The following TNXB variants were observed in gnomAD, a reference collection of about 807,000 sequenced individuals.
TNXB encodes the protein tenascin-X.
Under a neutral mutation model 340.5 loss-of-function variants are expected in TNXB, and 183 were observed. That is an observed-to-expected ratio of 0.54 (90% CI 0.48 to 0.61). TNXB has a LOEUF of 0.61. TNXB is among the 20% of genes least tolerant of loss of function. The pLI is 0.00. For synonymous variants in TNXB, 2,121 were observed against 2,314.5 expected (o/e 0.92, Z 2.40); for missense variants, 4,613 against 5,446.4 (o/e 0.85, Z 4.82).
In TNXB at chr6:32,081,652, G is replaced by T. The variant is rs188789382; in HGVS notation, c.3758C>A (p.Pro1253His). Residue 1253 changes from proline to histidine, a missense_variant, in exon 10 of 44, where the codon CCC becomes CAC. By Grantham distance (77) the Pro-to-His change is moderately conservative. Coordinates refer to ENST00000644971, the MANE Select transcript of TNXB (RefSeq NM_001365276.2). This position sits in a 1 kb window ranked among gnomAD's most constrained non-coding sequence, Gnocchi z 5.1. Reference protein sequence around the residue: ...GTTAPERKEEPPRPEFLEQPL... With the variant: ...GTTAPERKEEHPRPEFLEQPL... Reference sequence around the variant, plus strand: ...CTGCTCCAGGAACTCAGGGCGGGGGGGCTCCTCTTTCCTCTCTGGAGCTGT... The same window carrying T: ...CTGCTCCAGGAACTCAGGGCGGGGGTGCTCCTCTTTCCTCTCTGGAGCTGT... 303 of 1,589,254 alleles carry T rather than the reference G, an allele frequency of 1.9e-4. 2 individuals are homozygous for T. The African/African-American group carries it at 3.1e-3, about 16-fold the overall frequency.
Position 32,048,593 on chromosome 6 carries a change from G to A in TNXB, c.9815C>T (p.Ala3272Val). 6.6e-7 allele frequency: 1 copy of A among 1,518,918 alleles called. No homozygotes were observed. The highest frequency in any genetic ancestry group is 8.9e-7 in the Non-Finnish European group (1 of 1,127,402). The allele number at this position is 1,518,918 out of a possible 1,614,324, so 94.1% of individuals were successfully genotyped here. ...GAGGCCCACTGAGTCCGAGGTCACG[G>A]CCGCCACCGCCAGCTCCCCCAGGCG... ...EPRLGELAVA[A>V]VTSDSVGLSW... The change falls in exon 29 of 44, where the codon GCC (alanine) becomes GTC (valine). Residue 3272 changes from alanine to valine, a missense_variant. Transcript: ENST00000644971.
At position 32,064,975 on chromosome 6, in the gene TNXB, C is replaced by G; in HGVS notation, c.6687G>C (p.Lys2229Asn). The G allele has an allele frequency of 1.2e-6, 2 of 1,612,800 alleles. No individual in the cohort carries two copies. Among genetic ancestry groups the G allele is most frequent in the Non-Finnish European group, 1.7e-6 (2 of 1,179,826 alleles). The change falls in exon 19 of 44, where the codon AAG becomes AAC. Residue 2229 changes from lysine (K) to asparagine (N), a missense_variant. Around this residue, in one of 7 missense-constraint regions of TNXB, gnomAD observed 4,327 missense variants for 4,859.4 expected, o/e 0.89. Transcript: ENST00000644971. This position sits in a 1 kb window ranked among gnomAD's most constrained non-coding sequence, Gnocchi z 5.3. Reference protein sequence around the residue: ...GQFDHFLVQFKNGDGQPKAVR... With the variant: ...GQFDHFLVQFNNGDGQPKAVR... ...CCGCCTTGGGCTGCCCGTCCCCATT[C>G]TTAAACTGGACCAAGAAATGGTCAA...
Position 32,081,767 on chromosome 6 carries a change from G to A in TNXB, c.3737-94C>T, listed in dbSNP as rs1779465255. 5 of 766,914 alleles carry A rather than the reference G, an allele frequency of 6.5e-6. No individual in the cohort carries two copies. In the East Asian group the frequency reaches 1.1e-4, roughly 17 times the overall value. The allele number at this position is 766,914 out of a possible 1,614,324, so 47.5% of individuals were successfully genotyped here. On this transcript the variant is annotated intron_variant, in intron 9 of 43. Transcript: ENST00000644971. The surrounding 1 kb of genome is among the most constrained non-coding windows in gnomAD (Gnocchi z 5.1). ...GATGTCACACCTATGGGGGGTGGGG[G>A]GTCACTAGTCCATTAATTCGAGTGC...
rs751000603 is a variant in TNXB at position 32,058,386 on chromosome 6, T to C, written c.7497A>G (p.Pro2499=). 1.2e-6 allele frequency: 2 copies of C among 1,600,812 alleles called. No homozygotes were observed. Among genetic ancestry groups the C allele is most frequent in the Non-Finnish European group, 1.7e-6 (2 of 1,173,984 alleles). The part of the protein sequence containing the change: ...GPVSTVGVTA[P]QEDVDETPSP... Reference sequence around the variant, plus strand: ...TGGGGGTCTCGTCCACATCCTCTTGTGGGGCTGAAAGGTAATATAGGGGGA... The same window carrying C: ...TGGGGGTCTCGTCCACATCCTCTTGCGGGGCTGAAAGGTAATATAGGGGGA... The change falls in exon 22 of 44, where the codon CCA becomes CCG. Residue 2499 remains proline (P), a synonymous_variant. Transcript: ENST00000644971. This position sits in a 1 kb window ranked among gnomAD's most constrained non-coding sequence, Gnocchi z 5.1.
In TNXB at chr6:32,047,807, C is replaced by T. The variant is rs996193274; in HGVS notation, c.10251G>A (p.Arg3417=). ...EVTVQGLEPS[R]KYRFLLYGLS... ...GACCATAGAGCAGGAACCTGTATTT[C>T]CTACTGGGCTCCAGGCCCTGGACTG... Residue 3417 remains arginine, a synonymous_variant, in exon 30 of 44, where the codon AGG becomes AGA. Transcript: ENST00000644971. The surrounding 1 kb of genome is among the most constrained non-coding windows in gnomAD (Gnocchi z 6.2). 1.9e-6 allele frequency: 3 copies of T among 1,610,694 alleles called. No homozygotes were observed. Among genetic ancestry groups the T allele is most frequent in the Non-Finnish European group, 1.7e-6 (2 of 1,179,086 alleles).
Position 32,049,949 on chromosome 6 carries a change from A to C in TNXB, c.9439+49T>G. On this transcript the variant is annotated intron_variant, in intron 27 of 43. Transcript: ENST00000644971. The surrounding 1 kb of genome is among the most constrained non-coding windows in gnomAD (Gnocchi z 4.5). ...CCACCAGTCATCACCAAAGAGCAAG[A>C]GGTGGCCCTCCCACAGCTCCCACCC... The C allele has an allele frequency of 6.2e-7, 1 of 1,609,764 alleles. No homozygotes were observed. Among genetic ancestry groups the C allele is most frequent in the South Asian group, 1.1e-5 (1 of 90,968 alleles).
Position 32,096,510 on chromosome 6 carries a change from C to T in TNXB, c.1343G>A (p.Gly448Asp), listed in dbSNP as rs1291009967. ...GTAGCCCGCATTGCAAACACACACG[C>T]CGTTCTCGCAGCGCCCGCGACCTCT... ...DCRGRGRCEN[G>D]VCVCNAGYSG... The change falls in exon 3 of 44, where the codon GGC becomes GAC. Residue 448 changes from glycine (G) to aspartate (D), a missense_variant. Transcript: ENST00000644971. 1 of 1,600,604 alleles carries T rather than the reference C, an allele frequency of 6.2e-7. No individual in the cohort carries two copies.
At position 32,056,187 on chromosome 6, in the gene TNXB, G is replaced by A. The variant is rs775866764; in HGVS notation, c.8144-13C>T. 2 of 1,604,784 alleles carry A rather than the reference G, an allele frequency of 1.2e-6. No individual in the cohort carries two copies. The highest frequency in any genetic ancestry group is 8.5e-7 in the Non-Finnish European group (1 of 1,174,268). The stretch of plus-strand genomic sequence containing the variant: ...TCTTCCTCTGCAGCTGAGAAAAGGA[G>A]ATATAGAGAGGATGCCAGGTGCCTG... On this transcript the variant is annotated splice_polypyrimidine_tract_variant and intron_variant, in intron 23 of 43. Coordinates refer to ENST00000644971, the MANE Select transcript of TNXB (RefSeq NM_001365276.2).
At chr6:32,102,226 A>G (rs745666606) in intron 1 of TNXB, among the ~76,000 whole-genome samples, 12 of 152,204 alleles carry the variant, frequency 7.9e-5, no homozygotes, top group Non-Finnish European at 1.6e-4. Context: ...CAAACACTGG[A>G]AAGTTGTTTG....
At chr6:32,101,257 GAGT>G (rs1780706176) in intron 1 of TNXB, among the ~76,000 whole-genome samples, 1 of 152,004 alleles carries the variant, frequency 6.6e-6, no homozygotes, top group African/African-American at 2.4e-5. Context: ...TCAGCCTCTG[GAGT>G]AGCTAGGATA....
chr6:32,062,411 C>T lies in TNXB; in HGVS notation c.6914G>A (p.Arg2305His), dbSNP rs763647914. The T allele has an allele frequency of 2.5e-5, 40 of 1,613,056 alleles. No individual in the cohort carries two copies. The highest frequency in any genetic ancestry group is 3.3e-5 in the Non-Finnish European group (39 of 1,179,838). The change falls in exon 20 of 44, where the codon CGC (arginine) becomes CAC (histidine). Residue 2305 changes from arginine (R) to histidine (H), a missense_variant. Arg to His is a conservative substitution (Grantham distance 29, BLOSUM62 0). Around this residue, in one of 7 missense-constraint regions of TNXB, gnomAD observed 4,327 missense variants for 4,859.4 expected, o/e 0.89. Coordinates refer to ENST00000644971, the MANE Select transcript of TNXB (RefSeq NM_001365276.2). This position sits in a 1 kb window ranked among gnomAD's most constrained non-coding sequence, Gnocchi z 4.3. Reference sequence around the variant, plus strand: ...ATCTGTCACGGTCAGCTCCTCCAGGCGAGGCTTGATGGGGGGTTCAGGGGT... The same window carrying T: ...ATCTGTCACGGTCAGCTCCTCCAGGTGAGGCTTGATGGGGGGTTCAGGGGT... ...PPTPEPPIKP[R>H]LEELTVTDAT...
In TNXB at chr6:32,068,304, T is replaced by C. The variant is rs1778519171; in HGVS notation, c.6220+86A>G. The C allele has an allele frequency of 1.3e-6, 2 of 1,528,968 alleles. No individual in the cohort carries two copies. The highest frequency in any genetic ancestry group is 1.8e-6 in the Non-Finnish European group (2 of 1,131,846). The allele number at this position is 1,528,968 out of a possible 1,614,324, so 94.7% of individuals were successfully genotyped here. On this transcript the variant is annotated intron_variant, in intron 17 of 43. Transcript: ENST00000644971. The surrounding 1 kb of genome is among the most constrained non-coding windows in gnomAD (Gnocchi z 5.3). Reference sequence around the variant, plus strand: ...AGGTCTGTGGTGCTGACCAGACCCTTGTCCCATTCCCCACCAGTCATCACC... The same window carrying C: ...AGGTCTGTGGTGCTGACCAGACCCTCGTCCCATTCCCCACCAGTCATCACC...
chr6:32,101,077 CAAAAAAAAAAAA>C (rs35800696), intron 1 of TNXB, among the ~76,000 whole-genome samples: 3 of 46,962 alleles, frequency 6.4e-5, no homozygotes, highest in African/African-American at 9.2e-5. Flanking sequence ...AACTCCATCT[CAAAAAAAAAAAA>C]AAAAAAAAAA....
Position 32,082,395 on chromosome 6 carries a change from T to G in TNXB, c.3446-69A>C, listed in dbSNP as rs1048276687. On this transcript the variant is annotated intron_variant, in intron 8 of 43. Transcript: ENST00000644971. The surrounding 1 kb of genome is among the most constrained non-coding windows in gnomAD (Gnocchi z 5.0). ...GAGAATGGGGAAGCCAAATCCCACA[T>G]AGGAATGCTGTGTGAGGCTGTGCAG... 1.1e-5 allele frequency: 16 copies of G among 1,443,170 alleles called. No individual in the cohort carries two copies. The highest frequency in any genetic ancestry group is 1.5e-5 in the Non-Finnish European group (16 of 1,064,464). The allele number at this position is 1,443,170 out of a possible 1,614,324, so 89.4% of individuals were successfully genotyped here.
chr6:32,063,247 A>G (rs901068400), intron 19 of TNXB, among the ~76,000 whole-genome samples: 2 of 151,616 alleles, frequency 1.3e-5, no homozygotes. Context: ...AATTAGCCAG[A>G]TGTGCTGGTG....
At chr6:32,105,351 A>G (rs538247180) in intron 1 of TNXB, among the ~76,000 whole-genome samples, 10 of 152,344 alleles carry the variant, frequency 6.6e-5, no homozygotes, top group Middle Eastern at 6.8e-3. Flanking sequence ...TGTAGCGTTT[A>G]TAACAATTTG....
Position 32,097,879 on chromosome 6 carries a change from AGACG to A in TNXB, c.316_319del (p.Arg106Ter). 1 of 1,568,616 alleles carries A rather than the reference AGACG, an allele frequency of 6.4e-7. No homozygotes were observed. The highest frequency in any genetic ancestry group is 8.7e-7 in the Non-Finnish European group (1 of 1,150,716). On this transcript the variant is annotated frameshift_variant, in exon 2 of 44. Coordinates refer to ENST00000644971, the MANE Select transcript of TNXB (RefSeq NM_001365276.2). LOFTEE classifies it high-confidence loss of function. This position sits in a 1 kb window ranked among gnomAD's most constrained non-coding sequence, Gnocchi z 5.9. ...CTTCACCAACTCCTCCAGGATCTCT[AGACG>A]GACCCTCAGGGCCTGTACCTCTGAA...
chr6:32,064,965 C>T lies in TNXB; in HGVS notation c.6697G>A (p.Gly2233Arg), dbSNP rs1778249439. ...GGCACCCGCACCGCCTTGGGCTGCCCGTCCCCATTCTTAAACTGGACCAAG... is the reference window on the plus strand; with the variant it reads ...GGCACCCGCACCGCCTTGGGCTGCCTGTCCCCATTCTTAAACTGGACCAAG... ...HFLVQFKNGD[G>R]QPKAVRVPGH... The change falls in exon 19 of 44, where the codon GGG becomes AGG. Residue 2233 changes from glycine to arginine, a missense_variant. Coordinates refer to ENST00000644971, the MANE Select transcript of TNXB (RefSeq NM_001365276.2). The surrounding 1 kb of genome is among the most constrained non-coding windows in gnomAD (Gnocchi z 5.3). 3 of 1,612,796 alleles carry T rather than the reference C, an allele frequency of 1.9e-6. No homozygotes were observed. The highest frequency in any genetic ancestry group is 2.5e-6 in the Non-Finnish European group (3 of 1,179,850).
chr6:32,098,287 G>A (rs1348690242), intron 1 of TNXB, 81 bp from the exon 2 acceptor site: 1 of 1,187,302 alleles, frequency 8.4e-7, no homozygotes. Flanking sequence ...ACATACCCAC[G>A]GTCCCACCAC....
Sources: allele counts gnomAD v4.1 joint callset (sites outside exome capture counted in the v4.1 genomes callset), GRCh38; gene constraint gnomAD v4.1.1; regional missense constraint gnomAD v4.1.1; non-coding constraint Gnocchi (gnomAD v3.1); transcripts MANE v1.5; gene names NCBI Gene and HGNC (gene_info 2026-07-23, HGNC 2026-07-21).